Variants in TMEM272 observed in about 807,000 individuals in gnomAD.
The protein encoded by TMEM272 is transmembrane protein 272, also known as long intergenic non-protein coding RNA 282.
A neutral mutation model predicts 3.7 loss-of-function variants in TMEM272; 8 were observed. The ratio of observed to expected loss-of-function variants is 2.17; its 90% confidence interval spans 1.27 to 3.91. The LOEUF (loss-of-function observed/expected upper bound fraction) is 3.91, where lower values mean the gene tolerates loss of function less well. Among genes scored for constraint, TMEM272 ranks in the 30% most tolerant of loss-of-function variants. The pLI, the probability that TMEM272 is intolerant of heterozygous loss-of-function variation, is 0.00. For synonymous variants in TMEM272, 63 were observed against 39.8 expected, an observed-to-expected ratio of 1.58 and a Z score of -2.20; for missense variants, 166 against 91.5, an observed-to-expected ratio of 1.81 and a Z score of -3.32.
the TMEM272 span, among the ~76,000 whole-genome samples, chr13:51,882,890 G>C: frequency 4.6e-5 from 7 of 152,334 alleles, no homozygotes; most frequent in Admixed American, 3.9e-4. Flanking sequence ...CCAGGGCCTT[G>C]CTCAGGCCCA....
At chr13:51,900,279 CT>C in the TMEM272 span, among the ~76,000 whole-genome samples, 14 of 152,152 alleles carry the variant, frequency 9.2e-5, no homozygotes, top group African/African-American at 2.9e-4. Context: ...TAAATTAACT[CT>C]TACAAATCAA....
chr13:51,815,901 A>G lies in TMEM272; in HGVS notation c.*850T>C, dbSNP rs1956018486. 1 of 152,394 alleles carries G rather than the reference A, an allele frequency of 6.6e-6. No individual in the cohort carries two copies. Among genetic ancestry groups the G allele is most frequent in the South Asian group, 2.1e-4 (1 of 4,832 alleles). 9.4% of individuals were successfully genotyped at this position (152,394 alleles called of 1,614,324 possible). A position where few individuals can be genotyped will look rare whatever the true frequency, so the allele number is the denominator to read the frequency against. ...ATATTTAAGCTCAGAAACCAAAAAC[A>G]GCTACACTGACGGCACCCCAACTCA... On this transcript the variant is annotated 3_prime_UTR_variant, in exon 5 of 5. Coordinates refer to ENST00000629372, the MANE Select transcript of TMEM272 (RefSeq NM_001351003.2).
At chr13:51,871,148 G>A in the TMEM272 span, among the ~76,000 whole-genome samples, 2 of 151,124 alleles carry the variant, frequency 1.3e-5, no homozygotes, top group Non-Finnish European at 2.9e-5. Context: ...GAGTAGGGCT[G>A]ATCTGTGTGA....
At chr13:51,889,631 T>TG in the TMEM272 span, among the ~76,000 whole-genome samples, 25 of 149,820 alleles carry the variant, frequency 1.7e-4, no homozygotes, top group African/African-American at 5.4e-4. Context: ...TTTTTGTGTG[T>TG]GTGTGGGGGG....
chr13:51,823,551 G>A (rs747718819), intron 3 of TMEM272, among the ~76,000 whole-genome samples: 13 of 152,234 alleles, frequency 8.5e-5, no homozygotes, highest in South Asian at 2.1e-4. Flanking sequence ...TGGAATTTGC[G>A]TAAGCAAGAA....
chr13:51,815,948 C>T lies in TMEM272; in HGVS notation c.*803G>A, dbSNP rs182852384. ...CTCATGCAACCTGTCCAGAAACATA[C>T]AAAACTGGTTTATGCCACCCAGCCA... On this transcript the variant is annotated 3_prime_UTR_variant, in exon 5 of 5. Transcript: ENST00000629372. 6.6e-6 allele frequency: 1 copy of T among 152,402 alleles called. No individual in the cohort carries two copies. The highest frequency in any genetic ancestry group is 1.5e-5 in the Non-Finnish European group (1 of 68,082). The allele number at this position is 152,402 out of a possible 1,614,324, so 9.4% of individuals were successfully genotyped here. A position where few individuals can be genotyped will look rare whatever the true frequency, so the allele number is the denominator to read the frequency against.
At chr13:51,857,355 C>T in the TMEM272 span, among the ~76,000 whole-genome samples, 6 of 151,336 alleles carry the variant, frequency 4.0e-5, no homozygotes, top group Non-Finnish European at 8.9e-5. Context: ...TTATCCCAAA[C>T]AGAAGCACAG....
the TMEM272 span, among the ~76,000 whole-genome samples, chr13:51,897,031 C>T: frequency 6.6e-6 from 1 of 152,180 alleles, no homozygotes; most frequent in Non-Finnish European, 1.5e-5. Flanking sequence ...GCAGCATAAA[C>T]TTCATGTTCA....
At position 51,816,653 on chromosome 13, in the gene TMEM272, CTGTGTGTGTG is replaced by C. The variant is rs111925186; in HGVS notation, c.*88_*97del. 2.1e-5 allele frequency: 12 copies of C among 571,930 alleles called. No homozygotes were observed. Among genetic ancestry groups the C allele is most frequent in the Non-Finnish European group, 3.1e-5 (10 of 317,598 alleles). The allele number at this position is 571,930 out of a possible 1,614,324, so 35.4% of individuals were successfully genotyped here. A position where few individuals can be genotyped will look rare whatever the true frequency, so the allele number is the denominator to read the frequency against. ...ATTACCTTTATGCCCTTCTCTGAAC[CTGTGTGTGTG>C]TGTGTGTGTGTGTGCGTCTGTGTGT... On this transcript the variant is annotated 3_prime_UTR_variant, in exon 5 of 5. Coordinates refer to ENST00000629372, the MANE Select transcript of TMEM272 (RefSeq NM_001351003.2).
chr13:51,850,004 CAGG>C (rs1956323676), upstream of TMEM272, among the ~76,000 whole-genome samples: 1 of 152,172 alleles, frequency 6.6e-6, no homozygotes, highest in South Asian at 2.1e-4. Flanking sequence ...TGCTTGACAC[CAGG>C]AGTTCGAGAC....
chr13:51,836,056 C>A (rs1360299551), intron 2 of TMEM272, among the ~76,000 whole-genome samples: 2 of 152,158 alleles, frequency 1.3e-5, no homozygotes, highest in Admixed American at 6.5e-5. Flanking sequence ...TTGAATGTGT[C>A]CCCCAAAGTT....
At chr13:51,934,317 T>C in the TMEM272 span, 5 of 280,106 alleles carry the variant, frequency 1.8e-5, no homozygotes, top group South Asian at 4.1e-5. Context: ...CTCAGAAACA[T>C]GATGCACACA....
At chr13:51,885,789 T>C in the TMEM272 span, among the ~76,000 whole-genome samples, 2 of 152,218 alleles carry the variant, frequency 1.3e-5, no homozygotes, top group African/African-American at 2.4e-5. Flanking sequence ...GACTCTGGTC[T>C]TGTGGAATTG....
chr13:51,839,803 T>C (rs903441204), intron 1 of TMEM272, among the ~76,000 whole-genome samples: 1 of 152,198 alleles, frequency 6.6e-6, no homozygotes, highest in Non-Finnish European at 1.5e-5. Flanking sequence ...GCAGGAGCCA[T>C]GCAGCCCGCA....
At chr13:51,859,547 C>CACAG in the TMEM272 span, among the ~76,000 whole-genome samples, 9 of 150,464 alleles carry the variant, frequency 6.0e-5, no homozygotes, top group African/African-American at 2.2e-4. Flanking sequence ...CACACACACA[C>CACAG]AGACACCCCC....
chr13:51,818,110 A>T (rs1376593485), intron 4 of TMEM272, among the ~76,000 whole-genome samples: 1 of 152,134 alleles, frequency 6.6e-6, no homozygotes, highest in Non-Finnish European at 1.5e-5. Flanking sequence ...ATCTCTCCCG[A>T]GGCCACACTC....
the TMEM272 span, among the ~76,000 whole-genome samples, chr13:51,851,133 G>A: frequency 2.0e-5 from 3 of 152,144 alleles, no homozygotes; most frequent in Non-Finnish European, 4.4e-5. Flanking sequence ...CTAGGAGTTT[G>A]AGACCAGCTG....
At chr13:51,865,528 T>G in the TMEM272 span, 1 of 1,614,204 alleles carries the variant, frequency 6.2e-7, no homozygotes, top group Non-Finnish European at 8.5e-7. Flanking sequence ...AGGAAAAGGC[T>G]TTTCGCGAAG....
At chr13:51,817,492 T>C (rs1391807024) in intron 4 of TMEM272, among the ~76,000 whole-genome samples, 1 of 152,132 alleles carries the variant, frequency 6.6e-6, no homozygotes, top group East Asian at 1.9e-4. Context: ...AATGTAAAAA[T>C]GACACCTGGT....
Sources: gnomAD v4.1 joint callset for allele counts (sites outside exome capture counted in the v4.1 genomes callset) on GRCh38, gnomAD v4.1.1 for gene constraint, MANE v1.5 for transcripts, NCBI Gene and HGNC (gene_info 2026-07-23, HGNC 2026-07-21) for gene names.